FAM89A: variants seen among roughly 807,000 people sequenced by gnomAD.
The protein encoded by FAM89A is protein FAM89A.
A neutral mutation model predicts 7.1 loss-of-function variants in FAM89A; 10 were observed. The observed-to-expected ratio is 1.40, with a 90% CI of 0.86 to 2.38. FAM89A has a LOEUF of 2.38. FAM89A is among the 30% of genes most tolerant of loss of function. The pLI, the probability that FAM89A is intolerant of heterozygous loss-of-function variation, is 0.00. For missense variants in FAM89A, 276 were observed against 262.8 expected (o/e 1.05, Z -0.35); for synonymous variants, 157 against 129.3 (o/e 1.21, Z -1.45).
intron 1 of FAM89A, among the ~76,000 whole-genome samples, chr1:231,027,444 GCACA>G (rs970592692): frequency 9.9e-5 from 15 of 152,010 alleles, no homozygotes; most frequent in African/African-American, 3.6e-4. Context: ...AGGATTAGAC[GCACA>G]CACATACATA....
intron 1 of FAM89A, among the ~76,000 whole-genome samples, chr1:231,029,627 G>T (rs1389690303): frequency 3.9e-5 from 6 of 152,206 alleles, no homozygotes; most frequent in Admixed American, 3.9e-4. Context: ...GCCTGTACAG[G>T]GAAGATGAAG....
intron 1 of FAM89A, among the ~76,000 whole-genome samples, chr1:231,035,221 A>G (rs1334185851): frequency 6.6e-6 from 1 of 152,246 alleles, no homozygotes; most frequent in Non-Finnish European, 1.5e-5. Context: ...TTCAACTAAA[A>G]TGTAGGAAGG....
chr1:231,023,185 C>T (rs114569343), intron 1 of FAM89A, among the ~76,000 whole-genome samples: 8,233 of 152,202 alleles, frequency 0.054, 255 homozygotes, highest in Middle Eastern at 0.1. Flanking sequence ...AGAACCTGGC[C>T]CACCTGACTT....
intron 1 of FAM89A, among the ~76,000 whole-genome samples, chr1:231,029,463 A>G (rs370543914): frequency 2.0e-5 from 3 of 151,964 alleles, no homozygotes; most frequent in East Asian, 1.9e-4. Flanking sequence ...CTGCACTCCA[A>G]TCTGGGCAAC....
At chr1:231,025,016 G>A (rs1330187000) in intron 1 of FAM89A, among the ~76,000 whole-genome samples, 3 of 142,900 alleles carry the variant, frequency 2.1e-5, no homozygotes, top group Non-Finnish European at 4.5e-5. Flanking sequence ...TCTGCCTCCT[G>A]GGTTCACCCC....
intron 1 of FAM89A, among the ~76,000 whole-genome samples, chr1:231,027,744 C>T (rs950966609): frequency 6.6e-6 from 1 of 152,224 alleles, no homozygotes; most frequent in Non-Finnish European, 1.5e-5. Context: ...TGACTCCCAA[C>T]CTGCACAGCC....
chr1:231,039,519 C>G (rs1319035447), intron 1 of FAM89A, among the ~76,000 whole-genome samples: 1 of 152,206 alleles, frequency 6.6e-6, no homozygotes, highest in East Asian at 1.9e-4. Context: ...AAAACGCAAT[C>G]GCGTTAATCC....
chr1:231,039,336 G>A (rs186843512), intron 1 of FAM89A, among the ~76,000 whole-genome samples: 13 of 152,228 alleles, frequency 8.5e-5, no homozygotes, highest in African/African-American at 3.1e-4. Flanking sequence ...GAGGGACCCG[G>A]CCGCCTCCCT....
chr1:231,021,917 GAC>G, intron 1 of FAM89A: 2 of 1,524,304 alleles, frequency 1.3e-6, no homozygotes, highest in Non-Finnish European at 1.8e-6. Flanking sequence ...GTTGTCCAGG[GAC>G]AGAGACGTGT....
chr1:231,029,436 G>A (rs1239695167), intron 1 of FAM89A, among the ~76,000 whole-genome samples: 1 of 152,068 alleles, frequency 6.6e-6, no homozygotes, highest in African/African-American at 2.4e-5. Context: ...AGGCTGCAGT[G>A]CGCTGTGATC....
At chr1:231,022,125 C>T in intron 1 of FAM89A, 1 of 1,234,966 alleles carries the variant, frequency 8.1e-7, no homozygotes, top group Non-Finnish European at 1.2e-6. Flanking sequence ...AACGCTAATA[C>T]TTGCCCAACT....
chr1:231,036,608 C>T (rs1191539500), intron 1 of FAM89A, among the ~76,000 whole-genome samples: 1 of 151,864 alleles, frequency 6.6e-6, no homozygotes, highest in Non-Finnish European at 1.5e-5. Context: ...CACAACTCTC[C>T]AAGCAGAGGA....
chr1:231,022,267 A>T (rs1401650493), intron 1 of FAM89A: 1 of 773,830 alleles, frequency 1.3e-6, no homozygotes, highest in Admixed American at 1.8e-5. Flanking sequence ...GCTCAAAAAG[A>T]CTGTTTTGAA....
In FAM89A at chr1:231,038,016, C is replaced by CG. The variant is rs555259159; in HGVS notation, c.291+1904_291+1905insC. ...GAATGAACTCCCAGTTCTTGTTTTG[C>CG]AAGGCCTCCCCAGAGGGAGTCTCAG... is the stretch of plus-strand genomic sequence containing the variant. On this transcript the variant is annotated intron_variant, in intron 1 of 1. Transcript: ENST00000366654. Among the ~76,000 whole-genome samples, 8 of 152,316 alleles carry CG rather than the reference C, an allele frequency of 5.3e-5. No individual in the cohort carries two copies. The South Asian group carries it at 1.7e-3, about 32-fold the overall frequency.
intron 1 of FAM89A, among the ~76,000 whole-genome samples, chr1:231,038,496 G>A (rs112919143): frequency 0.017 from 2,519 of 152,298 alleles, 73 homozygotes; most frequent in African/African-American, 0.056. Context: ...GTTCTGCTAT[G>A]TCCAAGTTCA....
At chr1:231,029,557 T>G (rs1484743028) in intron 1 of FAM89A, among the ~76,000 whole-genome samples, 3 of 149,538 alleles carry the variant, frequency 2.0e-5, no homozygotes, top group Non-Finnish European at 4.4e-5. Context: ...AGTGGCAGAG[T>G]GGGGAGGTGA....
At chr1:231,022,921 A>G (rs1173415999) in intron 1 of FAM89A, among the ~76,000 whole-genome samples, 1 of 112,164 alleles carries the variant, frequency 8.9e-6, no homozygotes, top group Non-Finnish European at 2.1e-5. Context: ...AGTTGTTCTC[A>G]GGAACCTTAC....
intron 1 of FAM89A, among the ~76,000 whole-genome samples, chr1:231,024,957 C>T (rs1679939756): frequency 8.7e-6 from 1 of 114,644 alleles, no homozygotes; most frequent in South Asian, 3.1e-4. Flanking sequence ...GAGTCTTGCT[C>T]TGTTGCCCAG....
intron 1 of FAM89A, among the ~76,000 whole-genome samples, chr1:231,024,581 G>A (rs964139673): frequency 1.3e-5 from 2 of 149,876 alleles, no homozygotes; most frequent in Non-Finnish European, 3.0e-5. Context: ...TTGTCACCCA[G>A]GCAGGAGTGT....
Sources: allele counts gnomAD v4.1 joint callset (sites outside exome capture counted in the v4.1 genomes callset), GRCh38; gene constraint gnomAD v4.1.1; transcripts MANE v1.5; gene names NCBI Gene and HGNC (gene_info 2026-07-23, HGNC 2026-07-21).